The following SYN3 variants were observed in gnomAD, a reference collection of about 807,000 sequenced individuals.
SYN3 encodes the protein synapsin-3.
A neutral mutation model predicts 65.8 loss-of-function variants in SYN3; 35 were observed. The ratio of observed to expected loss-of-function variants is 0.53; its 90% CI spans 0.41 to 0.70. The LOEUF (loss-of-function observed/expected upper bound fraction) is 0.70, where lower values mean the gene tolerates loss of function less well. Ranked by LOEUF, SYN3 falls within the 30% of genes least tolerant of loss-of-function variation. SYN3 has a pLI of 0.00. For synonymous variants in SYN3, 270 were observed against 292.9 expected (o/e 0.92, Z 0.80); for missense variants, 680 against 749.0 (o/e 0.91, Z 1.08).
chr22:32,642,437 T>C (rs1347688459), intron 6 of SYN3, among the ~76,000 whole-genome samples: 1 of 151,812 alleles, frequency 6.6e-6, no homozygotes, highest in Non-Finnish European at 1.5e-5. Flanking sequence ...ATTTTTTATC[T>C]TTTTATTTTA....
At chr22:32,742,251 G>C (rs988105005) in intron 6 of SYN3, among the ~76,000 whole-genome samples, 2 of 152,096 alleles carry the variant, frequency 1.3e-5, no homozygotes, top group Non-Finnish European at 2.9e-5. Context: ...ACTCCAGCCT[G>C]AGTGACAGAG....
intron 4 of SYN3, among the ~76,000 whole-genome samples, chr22:32,913,320 A>G (rs960878566): frequency 6.6e-6 from 1 of 151,816 alleles, no homozygotes; most frequent in East Asian, 1.9e-4. Flanking sequence ...CACCATACCC[A>G]GCTAATTTTT....
intron 6 of SYN3, among the ~76,000 whole-genome samples, chr22:32,795,666 G>A (rs2046413317): frequency 6.6e-6 from 1 of 152,002 alleles, no homozygotes; most frequent in Non-Finnish European, 1.5e-5. Flanking sequence ...AGGGGAGAGA[G>A]CCAAGGACAG....
rs181306515 is a variant in SYN3 at position 32,996,461 on chromosome 22, C to A, written c.311+9891G>T. ...TGGCATTGTGATCCCACTTTACAGACAAAGAAACTGAGGTACCAAAAGGTA... is the reference window on the plus strand; with the variant it reads ...TGGCATTGTGATCCCACTTTACAGAAAAAGAAACTGAGGTACCAAAAGGTA... On this transcript the variant is annotated intron_variant, in intron 2 of 13. Coordinates refer to ENST00000358763, the MANE Select transcript of SYN3 (RefSeq NM_003490.4). Among the ~76,000 whole-genome samples the A allele has an allele frequency of 1.2e-3, 185 of 151,936 alleles. 1 individual carries two copies. Among genetic ancestry groups the A allele is most frequent in the Non-Finnish European group, 5.0e-4 (34 of 68,026 alleles).
At chr22:32,849,244 C>A (rs2048151961) in intron 6 of SYN3, among the ~76,000 whole-genome samples, 1 of 152,152 alleles carries the variant, frequency 6.6e-6, no homozygotes, top group Non-Finnish European at 1.5e-5. Context: ...GGGTAATTAA[C>A]TTGAATGGTG....
At chr22:32,913,256 G>T (rs1016681504) in intron 4 of SYN3, among the ~76,000 whole-genome samples, 2 of 151,746 alleles carry the variant, frequency 1.3e-5, no homozygotes, top group African/African-American at 4.8e-5. Flanking sequence ...CAGCTCCCAG[G>T]TTCACACCAT....
intron 2 of SYN3, among the ~76,000 whole-genome samples, chr22:33,005,931 A>G (rs2053183573): frequency 6.6e-6 from 1 of 152,194 alleles, no homozygotes; most frequent in South Asian, 2.1e-4. Flanking sequence ...TATTTTATAT[A>G]ACACTTCCAG....
chr22:32,846,489 CAT>C (rs1340015733), intron 6 of SYN3, among the ~76,000 whole-genome samples: 1 of 152,244 alleles, frequency 6.6e-6, no homozygotes, highest in African/African-American at 2.4e-5. Context: ...GTAGCAAACA[CAT>C]GAGGTTTGGG....
intron 1 of SYN3, among the ~76,000 whole-genome samples, chr22:33,045,062 C>T (rs551221890): frequency 1.9e-4 from 29 of 152,260 alleles, no homozygotes; most frequent in African/African-American, 4.6e-4. Context: ...AGGCTGTTCT[C>T]GAACTCCCAA....
chr22:32,589,957 T>A (rs2059105191), intron 7 of SYN3, among the ~76,000 whole-genome samples: 1 of 152,214 alleles, frequency 6.6e-6, no homozygotes, highest in Admixed American at 6.5e-5. Flanking sequence ...GGTATCATCT[T>A]TCCATTCATA....
At chr22:32,617,555 G>T (rs1362651940) in intron 6 of SYN3, among the ~76,000 whole-genome samples, 1 of 151,664 alleles carries the variant, frequency 6.6e-6, no homozygotes, top group East Asian at 1.9e-4. Flanking sequence ...TAGGGAGAGA[G>T]AAGGATGAAT....
chr22:32,643,379 A>AG (rs914588059), intron 6 of SYN3, among the ~76,000 whole-genome samples: 25 of 152,068 alleles, frequency 1.6e-4, no homozygotes, highest in Non-Finnish European at 3.1e-4. Flanking sequence ...CGCCCCACCA[A>AG]GGGGGTGAGA....
intron 1 of SYN3, among the ~76,000 whole-genome samples, chr22:33,021,350 A>G (rs777351841): frequency 1.3e-5 from 2 of 152,178 alleles, no homozygotes; most frequent in Non-Finnish European, 2.9e-5. Flanking sequence ...GGGGGTGTAT[A>G]GTTCTATGAG....
intron 6 of SYN3, among the ~76,000 whole-genome samples, chr22:32,818,966 C>T (rs568052820): frequency 2.0e-5 from 3 of 152,332 alleles, no homozygotes; most frequent in African/African-American, 7.2e-5. Flanking sequence ...GCATAATTTC[C>T]TATTTCCTGC....
At chr22:32,777,389 T>G (rs1239555153) in intron 6 of SYN3, among the ~76,000 whole-genome samples, 1 of 73,642 alleles carries the variant, frequency 1.4e-5, no homozygotes, top group South Asian at 3.0e-4. Flanking sequence ...GCTCCTTCTT[T>G]TTTTTTAATC....
chr22:32,541,450 G>T, intron 8 of SYN3, 121 bp downstream of exon 8: 1 of 1,234,872 alleles, frequency 8.1e-7, no homozygotes. Context: ...GAGAAGAAGG[G>T]CAGTAAGGAG....
At chr22:32,814,139 TGTGAGA>T (rs1432240364) in intron 6 of SYN3, among the ~76,000 whole-genome samples, 4 of 90,552 alleles carry the variant, frequency 4.4e-5, no homozygotes, top group South Asian at 3.7e-4. Flanking sequence ...TGTGTGTGTG[TGTGAGA>T]GAGAGAGAGA....
At chr22:32,596,429 A>G (rs2059200922) in intron 7 of SYN3, among the ~76,000 whole-genome samples, 2 of 152,206 alleles carry the variant, frequency 1.3e-5, no homozygotes, top group African/African-American at 4.8e-5. Flanking sequence ...ATCATAGAGA[A>G]TGATTAGTTA....
chr22:32,766,746 C>T (rs980483111), intron 6 of SYN3, among the ~76,000 whole-genome samples: 3 of 152,176 alleles, frequency 2.0e-5, no homozygotes, highest in East Asian at 3.8e-4. Flanking sequence ...CCAATTCATC[C>T]TTCCTCTAAA....
Sources: gnomAD v4.1 joint callset for allele counts (sites outside exome capture counted in the v4.1 genomes callset) on GRCh38, gnomAD v4.1.1 for gene constraint, MANE v1.5 for transcripts, NCBI Gene and HGNC (gene_info 2026-07-23, HGNC 2026-07-21) for gene names.